CPNE4: variants seen among roughly 807,000 people sequenced by gnomAD.
The protein encoded by CPNE4 is copine 4.
A neutral mutation model predicts 67.9 loss-of-function variants in CPNE4; 25 were observed. That is an observed-to-expected ratio of 0.37 (90% CI 0.27 to 0.51). The LOEUF (loss-of-function observed/expected upper bound fraction) is 0.51. Ranked by LOEUF, CPNE4 falls within the 20% of genes least tolerant of loss-of-function variation. The pLI is 0.93. For missense variants in CPNE4, 464 were observed against 690.8 expected, an observed-to-expected ratio of 0.67 and a Z score of 3.68; for synonymous variants, 242 against 244.9, an observed-to-expected ratio of 0.99 and a Z score of 0.11.
At chr3:131,743,939 G>A (rs1305677765) in intron 2 of CPNE4, among the ~76,000 whole-genome samples, 1 of 107,218 alleles carries the variant, frequency 9.3e-6, no homozygotes, top group African/African-American at 3.9e-5. Flanking sequence ...CTCCAGCCTG[G>A]GCGACAGAGC....
intron 14 of CPNE4, among the ~76,000 whole-genome samples, chr3:131,547,829 C>A (rs1204265842): frequency 1.3e-5 from 2 of 152,136 alleles, no homozygotes; most frequent in African/African-American, 4.8e-5. Context: ...ACATGCCCCA[C>A]AGATCAGACC....
chr3:131,993,491 C>CAAAAAAAAAAAAAAAAAAA (rs2073219770), intron 1 of CPNE4, among the ~76,000 whole-genome samples: 2 of 26,104 alleles, frequency 7.7e-5, no homozygotes, highest in African/African-American at 3.8e-4. Flanking sequence ...AAAAAAAAAG[C>CAAAAAAAAAAAAAAAAAAA]ATAGCTTTAG....
chr3:131,607,921 T>C (rs1582883718), intron 7 of CPNE4, among the ~76,000 whole-genome samples: 1 of 152,322 alleles, frequency 6.6e-6, no homozygotes, highest in East Asian at 1.9e-4. Context: ...GTATTACAAG[T>C]GCAGGGTTGC....
intron 1 of CPNE4, among the ~76,000 whole-genome samples, chr3:131,924,939 G>C (rs2070853331): frequency 6.6e-6 from 1 of 152,082 alleles, no homozygotes; most frequent in South Asian, 2.1e-4. Flanking sequence ...CTGTAACCTT[G>C]TTAGTAGCAA....
chr3:131,686,808 C>A (rs4854827), intron 5 of CPNE4, among the ~76,000 whole-genome samples: 1 of 151,990 alleles, frequency 6.6e-6, no homozygotes, highest in South Asian at 2.1e-4. Flanking sequence ...AATTAGCAAA[C>A]GCCTTGAGAT....
In CPNE4 at chr3:131,717,874, T is replaced by TTTTCTTTCTCTTTC. The variant is rs1553758856; in HGVS notation, c.360+5571_360+5572insGAAAGAGAAAGAAA. Reference sequence around the variant, plus strand: ...CCTCGCTCCCTCCTTTCTTTCTTTCTTTTCTTTCTTTCTTTCTTTCTTTCT... The same window carrying TTTTCTTTCTCTTTC: ...CCTCGCTCCCTCCTTTCTTTCTTTCTTTTCTTTCTCTTTCTTTCTTTCTTTCTTTCTTTCTTTCT... On this transcript the variant is annotated intron_variant, in intron 3 of 15. Transcript: ENST00000429747. Among the ~76,000 whole-genome samples the TTTTCTTTCTCTTTC allele has an allele frequency of 1.9e-3, 189 of 97,056 alleles. 16 individuals carry two copies. The highest frequency in any genetic ancestry group is 5.8e-3 in the African/African-American group (119 of 20,358). 63.7% of individuals were successfully genotyped at this position (97,056 alleles called of 152,430 possible). A position where few individuals can be genotyped will look rare whatever the true frequency, so the allele number is the denominator to read the frequency against.
At chr3:131,979,911 A>G (rs2072862973) in intron 1 of CPNE4, among the ~76,000 whole-genome samples, 1 of 152,100 alleles carries the variant, frequency 6.6e-6, no homozygotes, top group African/African-American at 2.4e-5. Context: ...TTCTCTCAGC[A>G]TTTGTCTGTC....
chr3:131,933,164 G>T (rs2071121069), intron 1 of CPNE4, among the ~76,000 whole-genome samples: 1 of 152,086 alleles, frequency 6.6e-6, no homozygotes, highest in Non-Finnish European at 1.5e-5. Flanking sequence ...TGAATAACTT[G>T]ACATCACGTG....
At chr3:131,868,262 G>A (rs1489797614) in intron 2 of CPNE4, among the ~76,000 whole-genome samples, 1 of 152,120 alleles carries the variant, frequency 6.6e-6, no homozygotes, top group Non-Finnish European at 1.5e-5. Flanking sequence ...ACCACAGTTA[G>A]GCGTGACACC....
At chr3:131,684,323 T>C (rs995927322) in intron 6 of CPNE4, among the ~76,000 whole-genome samples, 1 of 152,182 alleles carries the variant, frequency 6.6e-6, no homozygotes, top group Non-Finnish European at 1.5e-5. Context: ...TTGGTGGTGG[T>C]AATGAGATGC....
At chr3:131,595,295 G>A (rs1038007586) in intron 7 of CPNE4, among the ~76,000 whole-genome samples, 1 of 152,228 alleles carries the variant, frequency 6.6e-6, no homozygotes, top group African/African-American at 2.4e-5. Context: ...GTTCACAATA[G>A]CTGAGGTATG....
At chr3:131,696,491 G>A (rs559605379) in intron 5 of CPNE4, 51 bp downstream of exon 5, 1 of 1,516,630 alleles carries the variant, frequency 6.6e-7, no homozygotes, top group Non-Finnish European at 9.1e-7. Context: ...TGATTAAACT[G>A]TGTGCTAGCT....
chr3:131,806,566 A>AG (rs1430233612), intron 2 of CPNE4, among the ~76,000 whole-genome samples: 1 of 152,056 alleles, frequency 6.6e-6, no homozygotes, highest in Non-Finnish European at 1.5e-5. Context: ...AAAAAAAAAA[A>AG]AAAGAAATAG....
At chr3:131,920,815 T>C (rs1207932312) in intron 1 of CPNE4, among the ~76,000 whole-genome samples, 3 of 152,194 alleles carry the variant, frequency 2.0e-5, no homozygotes, top group Non-Finnish European at 4.4e-5. Context: ...CAAATGTTCA[T>C]GGGTGTAAGA....
At chr3:131,813,161 A>G (rs1358149890) in intron 2 of CPNE4, among the ~76,000 whole-genome samples, 2 of 152,076 alleles carry the variant, frequency 1.3e-5, no homozygotes, top group Non-Finnish European at 2.9e-5. Flanking sequence ...TTATTCCGAT[A>G]AAAATGGGAG....
Position 131,789,035 on chromosome 3 carries a change from C to CACAGAGAG in CPNE4, c.181-65411_181-65410insCTCTCTGT, listed in dbSNP as rs1553771459. ...ACACACACACACACACACACACACA[C>CACAGAGAG]AGAGAGAGAGAGAGAGAGAGAGAGA... On this transcript the variant is annotated intron_variant, in intron 2 of 15. Transcript: ENST00000429747. Among the ~76,000 whole-genome samples, 367 of 137,376 alleles carry CACAGAGAG rather than the reference C, an allele frequency of 2.7e-3. 3 individuals are homozygous for CACAGAGAG. The highest frequency in any genetic ancestry group is 9.3e-3 in the African/African-American group (338 of 36,328). The allele number at this position is 137,376 out of a possible 152,430, so 90.1% of individuals were successfully genotyped here. A position where few individuals can be genotyped will look rare whatever the true frequency, so the allele number is the denominator to read the frequency against.
At chr3:132,024,298 A>G (rs542478156) in intron 1 of CPNE4, among the ~76,000 whole-genome samples, 1 of 152,038 alleles carries the variant, frequency 6.6e-6, no homozygotes, top group African/African-American at 2.4e-5. Context: ...TGGCCAGGCT[A>G]GTCTCGAACT....
intron 1 of CPNE4, among the ~76,000 whole-genome samples, chr3:132,014,497 G>T (rs189531106): frequency 5.3e-5 from 8 of 152,270 alleles, no homozygotes; most frequent in Admixed American, 5.2e-4. Flanking sequence ...TTATGACTTT[G>T]TTCATTAGAC....
intron 1 of CPNE4, among the ~76,000 whole-genome samples, chr3:132,022,680 T>C (rs925332323): frequency 2.0e-5 from 3 of 152,230 alleles, no homozygotes; most frequent in South Asian, 2.1e-4. Flanking sequence ...TGCACTTTTT[T>C]GACTTGTTTG....
Sources: allele counts gnomAD v4.1 joint callset (sites outside exome capture counted in the v4.1 genomes callset), GRCh38; gene constraint gnomAD v4.1.1; transcripts MANE v1.5; gene names NCBI Gene and HGNC (gene_info 2026-07-23, HGNC 2026-07-21).